NUP93: variants seen among roughly 807,000 people sequenced by gnomAD.
The protein encoded by NUP93 is nucleoporin 93.
NUP93 carries 55 observed loss-of-function variants against 107.8 expected under a neutral mutation model. The observed-to-expected ratio is 0.51, with a 90% CI of 0.41 to 0.64. NUP93 has a LOEUF of 0.64. Ranked by LOEUF, NUP93 falls within the 30% of genes least tolerant of loss-of-function variation. The pLI is 0.00. For synonymous variants in NUP93, 390 were observed against 397.5 expected, an observed-to-expected ratio of 0.98 and a Z score of 0.22; for missense variants, 937 against 1,044.7, an observed-to-expected ratio of 0.90 and a Z score of 1.42.
At chr16:56,791,444 T>G (rs577131446) in intron 3 of NUP93, among the ~76,000 whole-genome samples, 1 of 152,262 alleles carries the variant, frequency 6.6e-6, no homozygotes, top group Non-Finnish European at 1.5e-5. Flanking sequence ...GGACACTGAA[T>G]GTTTTTTTCA....
At chr16:56,742,587 C>T (rs147899477) in intron 1 of NUP93, among the ~76,000 whole-genome samples, 2 of 152,326 alleles carry the variant, frequency 1.3e-5, no homozygotes, top group East Asian at 1.9e-4. Context: ...CTACAAAGCC[C>T]GAACTATTCA....
chr16:56,749,873 A>G lies in NUP93; in HGVS notation c.179+1447A>G, dbSNP rs529194517. 2.6e-5 allele frequency among the ~76,000 whole-genome samples: 4 copies of G among 152,314 alleles called. No homozygotes were observed. The South Asian group carries it at 8.3e-4, about 32-fold the overall frequency. The stretch of plus-strand genomic sequence containing the variant: ...GCAGCCTTGCAGCTAAATGCAGCCA[A>G]CTGCTTCCCTACACTGCTTTCTCAC... On this transcript the variant is annotated intron_variant, in intron 2 of 21. Transcript: ENST00000308159.
intron 3 of NUP93, among the ~76,000 whole-genome samples, chr16:56,792,194 A>G (rs541591257): frequency 1.3e-4 from 20 of 150,218 alleles, no homozygotes; most frequent in Admixed American, 2.0e-4. Flanking sequence ...AAAACAAAAA[A>G]CAAACAAAAA....
At chr16:56,802,840 G>A (rs531298023) in intron 4 of NUP93, among the ~76,000 whole-genome samples, 203 of 152,274 alleles carry the variant, frequency 1.3e-3, no homozygotes, top group African/African-American at 4.5e-3. Flanking sequence ...TTTTGAAAAG[G>A]CTTAAGCTGA....
chr16:56,797,591 C>T (rs2144555547), intron 3 of NUP93, among the ~76,000 whole-genome samples: 1 of 152,300 alleles, frequency 6.6e-6, no homozygotes, highest in Admixed American at 6.5e-5. Context: ...GGACAATGAA[C>T]AGCAGCAAAG....
intron 3 of NUP93, among the ~76,000 whole-genome samples, chr16:56,766,244 A>G (rs1386768493): frequency 3.3e-5 from 5 of 152,236 alleles, no homozygotes; most frequent in African/African-American, 7.2e-5. Context: ...AGAAGTTGGA[A>G]TGGTTCTCTA....
chr16:56,807,756 T>C (rs1963174798), intron 5 of NUP93, among the ~76,000 whole-genome samples: 1 of 151,940 alleles, frequency 6.6e-6, no homozygotes, highest in South Asian at 2.1e-4. Context: ...GGCGCGGTGG[T>C]TCACGCCTAT....
In NUP93 at chr16:56,833,398, C is replaced by A; in HGVS notation, c.1529C>A (p.Ala510Asp). ...KLLLKSSGQSAQLLSHEPGDP... is the reference protein window; with the variant it reads ...KLLLKSSGQSDQLLSHEPGDP... ...CTTTTAAAGTCCTCTGGACAGAGTG[C>A]TCAGCTCCGTGAGTATTTGGGATTG... The change falls in exon 13 of 22, where the codon GCT becomes GAT. Residue 510 changes from alanine to aspartate, a missense_variant. Coordinates refer to ENST00000308159, the MANE Select transcript of NUP93 (RefSeq NM_014669.5). The A allele has an allele frequency of 6.5e-7, 1 of 1,532,434 alleles. No individual in the cohort carries two copies. The highest frequency in any genetic ancestry group is 1.3e-5 in the South Asian group (1 of 77,420). The allele number at this position is 1,532,434 out of a possible 1,614,324, so 94.9% of individuals were successfully genotyped here.
intron 19 of NUP93, 164 bp downstream of exon 19, chr16:56,839,233 CTTTTTTTTTTTT>C (rs71152206): frequency 2.6e-4 from 14 of 52,834 alleles, no homozygotes; most frequent in African/African-American, 6.1e-4. Flanking sequence ...TCCTGTGTGG[CTTTTTTTTTTTT>C]TTTTTTTTTT....
At chr16:56,829,826 G>A (rs527833850) in intron 9 of NUP93, among the ~76,000 whole-genome samples, 1 of 152,326 alleles carries the variant, frequency 6.6e-6, no homozygotes, top group South Asian at 2.1e-4. Flanking sequence ...GTTTAAGTGG[G>A]CAAGTTCAGA....
At chr16:56,748,928 G>A (rs953991910) in intron 2 of NUP93, among the ~76,000 whole-genome samples, 6 of 152,172 alleles carry the variant, frequency 3.9e-5, no homozygotes, top group Admixed American at 1.3e-4. Context: ...AGTGACCCGG[G>A]AGGCTGCTTC....
Position 56,805,509 on chromosome 16 carries a change from C to T in NUP93, c.366C>T (p.Phe122=), listed in dbSNP as rs756012130. ...SAIEESRKRT[F]GMAEEYHRES... is the part of the protein sequence containing the mutation. ...TCTCTGTTCCTTTCTGGCAGACCTT[C>T]GGCATGGCTGAGGAGTACCATCGGG... is the stretch of plus-strand genomic sequence containing the variant. Residue 122 remains phenylalanine (F), a synonymous_variant, in exon 5 of 22, where the codon TTC becomes TTT. Transcript: ENST00000308159. 1.9e-5 allele frequency: 30 copies of T among 1,613,684 alleles called. No individual in the cohort carries two copies. The highest frequency in any genetic ancestry group is 6.7e-5 in the East Asian group (3 of 44,882).
Position 56,833,391 on chromosome 16 carries a change from C to T in NUP93, c.1522C>T (p.Gln508Ter), listed in dbSNP as rs780820701. The T allele has an allele frequency of 6.4e-7, 1 of 1,553,438 alleles. No homozygotes were observed. The highest frequency in any genetic ancestry group is 8.6e-7 in the Non-Finnish European group (1 of 1,156,898). ...ELKLLLKSSG[Q>*]SAQLLSHEPG... is the part of the protein sequence containing the mutation. ...GAAGCTGCTTTTAAAGTCCTCTGGA[C>T]AGAGTGCTCAGCTCCGTGAGTATTT... The change falls in exon 13 of 22, where the codon CAG becomes TAG. Residue 508 changes from glutamine (Q) to a stop codon, truncating the protein, a stop_gained. Transcript: ENST00000308159. LOFTEE classifies it high-confidence loss of function.
chr16:56,756,519 A>G (rs578020643), intron 2 of NUP93, among the ~76,000 whole-genome samples: 3 of 152,274 alleles, frequency 2.0e-5, no homozygotes, highest in Non-Finnish European at 4.4e-5. Flanking sequence ...TATATGTGCT[A>G]CATTTTCTTT....
intron 1 of NUP93, among the ~76,000 whole-genome samples, chr16:56,734,940 C>CA (rs1253406999): frequency 6.6e-6 from 1 of 152,192 alleles, no homozygotes; most frequent in Non-Finnish European, 1.5e-5. Flanking sequence ...ATCTTTCTGA[C>CA]ACGGCTGTTG....
chr16:56,786,950 C>T (rs1304652166), intron 3 of NUP93, among the ~76,000 whole-genome samples: 1 of 152,232 alleles, frequency 6.6e-6, no homozygotes, highest in Non-Finnish European at 1.5e-5. Flanking sequence ...CCTGTATTTG[C>T]CACTCCAGCT....
At chr16:56,786,979 T>C (rs1962641852) in intron 3 of NUP93, among the ~76,000 whole-genome samples, 1 of 152,238 alleles carries the variant, frequency 6.6e-6, no homozygotes, top group South Asian at 2.1e-4. Flanking sequence ...TTTCCAGTTT[T>C]CCATACCTGT....
intron 20 of NUP93, 86 bp from the exon 21 acceptor site, chr16:56,841,618 TG>T: frequency 6.5e-7 from 1 of 1,534,356 alleles, no homozygotes; most frequent in Non-Finnish European, 8.8e-7. Context: ...CAACCAGGCC[TG>T]CCTGGAGCAG....
chr16:56,753,310 G>A (rs1472038537), intron 2 of NUP93, among the ~76,000 whole-genome samples: 1 of 152,178 alleles, frequency 6.6e-6, no homozygotes, highest in Admixed American at 6.5e-5. Context: ...ACCTCTTGAT[G>A]AAAAGTATAT....
Sources: gnomAD v4.1 joint callset for allele counts (sites outside exome capture counted in the v4.1 genomes callset) on GRCh38, gnomAD v4.1.1 for gene constraint, MANE v1.5 for transcripts, NCBI Gene and HGNC (gene_info 2026-07-23, HGNC 2026-07-21) for gene names.